Variants in DLGAP2 observed in about 807,000 individuals in gnomAD.
DLGAP2 encodes the protein disks large-associated protein 2.
DLGAP2 carries 26 observed loss-of-function variants against 100.3 expected under a neutral mutation model. That is an observed-to-expected ratio of 0.26 (90% CI 0.19 to 0.36). The LOEUF is 0.36. Among genes scored for constraint, DLGAP2 ranks in the 10% least tolerant of loss-of-function variants. The pLI, the probability that DLGAP2 is intolerant of heterozygous loss-of-function variation, is 1.00. For missense variants in DLGAP2, 1,858 were observed against 1,453.2 expected (o/e 1.28, Z -4.53); for synonymous variants, 886 against 630.1 (o/e 1.41, Z -6.08).
chr8:919,737 C>T (rs775074213), intron 2 of DLGAP2, among the ~76,000 whole-genome samples: 5 of 152,004 alleles, frequency 3.3e-5, no homozygotes, highest in African/African-American at 1.2e-4. Context: ...GCTGCTGGGC[C>T]GTGCTCGCCA....
chr8:1,602,518 G>A (rs79171216), intron 6 of DLGAP2, among the ~76,000 whole-genome samples: 6,706 of 152,274 alleles, frequency 0.044, 178 homozygotes, highest in South Asian at 0.063. Flanking sequence ...CCGAATCCAC[G>A]GAGGCCGGGC....
intron 1 of DLGAP2, among the ~76,000 whole-genome samples, chr8:811,219 A>G (rs1012055411): frequency 6.6e-6 from 1 of 152,260 alleles, no homozygotes; most frequent in South Asian, 2.1e-4. Context: ...GCTTCTGGGA[A>G]AGAGGTTTCC....
chr8:905,060 C>T (rs944209662), intron 1 of DLGAP2, among the ~76,000 whole-genome samples: 1 of 152,036 alleles, frequency 6.6e-6, no homozygotes, highest in East Asian at 1.9e-4. Flanking sequence ...ATGCTGTCAA[C>T]GTTAGGGGTG....
At chr8:916,681 TA>T (rs935138144) in intron 2 of DLGAP2, among the ~76,000 whole-genome samples, 1 of 151,914 alleles carries the variant, frequency 6.6e-6, no homozygotes, top group Admixed American at 6.6e-5. Context: ...AAAATAAATT[TA>T]AAAAAAAGAA....
Position 1,632,874 on chromosome 8 carries a change from C to G in DLGAP2, c.1638C>G (p.Ser546=). ...GGCAATTCGAGTCCGTGTGCGAGTC[C>G]GTCTTCAGTGAAGTTGAATCTCAGG... The part of the protein sequence containing the change: ...INGQFESVCE[S]VFSEVESQAM... The change falls in exon 8 of 15, where the codon TCC becomes TCG. Residue 546 remains serine (S), a synonymous_variant. Transcript: ENST00000637795. The G allele has an allele frequency of 6.2e-7, 1 of 1,613,816 alleles. No individual in the cohort carries two copies. Among genetic ancestry groups the G allele is most frequent in the Non-Finnish European group, 8.5e-7 (1 of 1,179,794 alleles).
intron 3 of DLGAP2, among the ~76,000 whole-genome samples, chr8:1,265,808 A>C (rs754223369): frequency 2.0e-5 from 3 of 152,246 alleles, no homozygotes; most frequent in Non-Finnish European, 4.4e-5. Flanking sequence ...AAAGAGAGTG[A>C]ATAGAATGCA....
intron 6 of DLGAP2, among the ~76,000 whole-genome samples, chr8:1,602,370 G>A (rs1419153135): frequency 6.6e-6 from 1 of 152,170 alleles, no homozygotes; most frequent in Non-Finnish European, 1.5e-5. Context: ...TAAAAATGCA[G>A]ACATGCTTTA....
At chr8:996,635 G>A (rs1800792135) in intron 2 of DLGAP2, among the ~76,000 whole-genome samples, 1 of 152,200 alleles carries the variant, frequency 6.6e-6, no homozygotes, top group Non-Finnish European at 1.5e-5. Context: ...GATCTTTGCA[G>A]AAGGTTTTGT....
chr8:1,522,281 C>G (rs941783050), intron 4 of DLGAP2, among the ~76,000 whole-genome samples: 1 of 152,228 alleles, frequency 6.6e-6, no homozygotes, highest in Non-Finnish European at 1.5e-5. Context: ...GATGCTTGTT[C>G]TGTTTCTTCA....
chr8:1,359,817 C>A (rs1236384845), intron 3 of DLGAP2, among the ~76,000 whole-genome samples: 2 of 152,224 alleles, frequency 1.3e-5, no homozygotes, highest in Non-Finnish European at 2.9e-5. Flanking sequence ...TGGACTTCTC[C>A]TTAGGGTTTC....
intron 6 of DLGAP2, among the ~76,000 whole-genome samples, chr8:1,600,042 C>A (rs1426585978): frequency 2.0e-5 from 3 of 152,144 alleles, no homozygotes; most frequent in African/African-American, 7.2e-5. Flanking sequence ...GTGGTTCCTT[C>A]AGGAGCTCTT....
At chr8:1,252,271 G>A (rs369083700) in intron 2 of DLGAP2, among the ~76,000 whole-genome samples, 29 of 151,386 alleles carry the variant, frequency 1.9e-4, no homozygotes, top group African/African-American at 5.4e-4. Context: ...TCACAGTCAC[G>A]TCATGTCACA....
chr8:1,033,129 C>G (rs1161527734), intron 2 of DLGAP2, among the ~76,000 whole-genome samples: 2 of 152,128 alleles, frequency 1.3e-5, no homozygotes, highest in South Asian at 4.2e-4. Flanking sequence ...CCCCCCATCC[C>G]TCTCTGTCTC....
At chr8:1,278,191 A>G (rs1799744068) in intron 3 of DLGAP2, among the ~76,000 whole-genome samples, 1 of 152,158 alleles carries the variant, frequency 6.6e-6, no homozygotes. Flanking sequence ...TCCACCAAAG[A>G]GCTGTATGCG....
chr8:862,123 C>G (rs1038995883), intron 1 of DLGAP2, among the ~76,000 whole-genome samples: 1 of 152,042 alleles, frequency 6.6e-6, no homozygotes, highest in Non-Finnish European at 1.5e-5. Context: ...ATGGTGGGGT[C>G]TCTTTTGTGG....
At chr8:1,284,764 A>C (rs1364117494) in intron 3 of DLGAP2, among the ~76,000 whole-genome samples, 5 of 152,112 alleles carry the variant, frequency 3.3e-5, no homozygotes, top group African/African-American at 1.2e-4. Context: ...GGCAGGTGCC[A>C]CCACGCCCAG....
At chr8:1,609,954 C>T (rs1796941127) in intron 6 of DLGAP2, among the ~76,000 whole-genome samples, 1 of 150,958 alleles carries the variant, frequency 6.6e-6, no homozygotes, top group South Asian at 2.1e-4. Context: ...CTTTAACACC[C>T]CACTGTCAAC....
chr8:1,651,794 C>T (rs1163939543), intron 8 of DLGAP2, among the ~76,000 whole-genome samples: 1 of 152,154 alleles, frequency 6.6e-6, no homozygotes, highest in Non-Finnish European at 1.5e-5. Context: ...GGTATGTGCT[C>T]ATCAGAAGTA....
In DLGAP2 at chr8:1,570,566, A is replaced by G. The variant is rs1213144271; in HGVS notation, c.1442+4672A>G. 2.0e-5 allele frequency among the ~76,000 whole-genome samples: 3 copies of G among 152,366 alleles called. No homozygotes were observed. In the East Asian group the frequency reaches 5.8e-4, roughly 29 times the overall value. On this transcript the variant is annotated intron_variant, in intron 6 of 14. Transcript: ENST00000637795. ...CTCAGTTGGATTTCACATGTTCACC[A>G]CAGTGTAGGTGCAGACGCTGTAATG...
Sources: gnomAD v4.1 joint callset for allele counts (sites outside exome capture counted in the v4.1 genomes callset) on GRCh38, gnomAD v4.1.1 for gene constraint, MANE v1.5 for transcripts, NCBI Gene and HGNC (gene_info 2026-07-23, HGNC 2026-07-21) for gene names.